The following ADORA2B variants were observed in gnomAD, a reference collection of about 807,000 sequenced individuals.
ADORA2B encodes the protein adenosine receptor A2b.
In ADORA2B, 18 loss-of-function variants were observed where a neutral mutation model predicts 20.8. The ratio of observed to expected loss-of-function variants is 0.87; its 90% CI spans 0.60 to 1.29. The LOEUF is 1.29. Ranked by LOEUF, ADORA2B falls within the 50% of genes most tolerant of loss-of-function variation. ADORA2B has a pLI of 0.00. For missense variants in ADORA2B, 441 were observed against 422.7 expected, an observed-to-expected ratio of 1.04 and a Z score of -0.38; for synonymous variants, 179 against 178.3, an observed-to-expected ratio of 1.00 and a Z score of -0.03.
the ADORA2B span, among the ~76,000 whole-genome samples, chr17:15,881,275 A>G: frequency 1.3e-5 from 2 of 151,646 alleles, no homozygotes; most frequent in South Asian, 4.2e-4. Context: ...CTAATTTTTC[A>G]TATTTTTAGT....
chr17:15,934,605 C>G, the ADORA2B span, among the ~76,000 whole-genome samples: 1 of 151,976 alleles, frequency 6.6e-6, no homozygotes, highest in African/African-American at 2.4e-5. Context: ...ATCTAGTGTA[C>G]CTTTTTAATT....
chr17:15,894,220 T>G, the ADORA2B span, among the ~76,000 whole-genome samples: 1 of 152,148 alleles, frequency 6.6e-6, no homozygotes, highest in Admixed American at 6.5e-5. Context: ...TGTCATGCCC[T>G]CCTGAACTAC....
the ADORA2B span, among the ~76,000 whole-genome samples, chr17:15,869,491 ATTATG>A: frequency 3.3e-5 from 5 of 152,180 alleles, no homozygotes; most frequent in African/African-American, 1.2e-4. Context: ...CAAAGGTTAT[ATTATG>A]ACCTATAATT....
chr17:15,930,886 G>A, the ADORA2B span, among the ~76,000 whole-genome samples: 1 of 152,230 alleles, frequency 6.6e-6, no homozygotes, highest in Admixed American at 6.5e-5. Flanking sequence ...CTGAGTGTTT[G>A]TTCAGCACAG....
At chr17:15,957,442 G>T (rs185027101) in intron 1 of ADORA2B, among the ~76,000 whole-genome samples, 1 of 152,326 alleles carries the variant, frequency 6.6e-6, no homozygotes, top group Non-Finnish European at 1.5e-5. Flanking sequence ...ATAGTCGTGT[G>T]CTTCTGGCTG....
chr17:15,861,170 G>C, the ADORA2B span, among the ~76,000 whole-genome samples: 3 of 152,160 alleles, frequency 2.0e-5, no homozygotes, highest in Non-Finnish European at 2.9e-5. Flanking sequence ...GGAGGATGCT[G>C]GACAGTAAGT....
chr17:15,901,332 G>A, the ADORA2B span, among the ~76,000 whole-genome samples: 3 of 152,054 alleles, frequency 2.0e-5, no homozygotes, highest in Admixed American at 2.0e-4. Context: ...GGGTGTGGTG[G>A]TGCATGCCTG....
chr17:15,928,765 G>A, the ADORA2B span, among the ~76,000 whole-genome samples: 1 of 151,888 alleles, frequency 6.6e-6, no homozygotes, highest in Admixed American at 6.6e-5. Flanking sequence ...AGGATTCATG[G>A]ACAACATTGT....
At chr17:15,971,417 C>T (rs1348551258) in intron 1 of ADORA2B, among the ~76,000 whole-genome samples, 1 of 152,140 alleles carries the variant, frequency 6.6e-6, no homozygotes, top group Non-Finnish European at 1.5e-5. Flanking sequence ...AGTATAGGGG[C>T]CCATGATTGA....
At chr17:15,965,024 C>T (rs572376678) in intron 1 of ADORA2B, among the ~76,000 whole-genome samples, 16 of 152,082 alleles carry the variant, frequency 1.1e-4, no homozygotes, top group Non-Finnish European at 1.3e-4. Context: ...CGTGCCACTG[C>T]GCTCCAGCCT....
chr17:15,904,238 C>G, the ADORA2B span, among the ~76,000 whole-genome samples: 1 of 152,072 alleles, frequency 6.6e-6, no homozygotes, highest in African/African-American at 2.4e-5. Flanking sequence ...CCTCGGTCTC[C>G]CAAAGTGTGG....
the ADORA2B span, among the ~76,000 whole-genome samples, chr17:15,876,895 C>T: frequency 6.6e-6 from 1 of 152,136 alleles, no homozygotes; most frequent in Non-Finnish European, 1.5e-5. Context: ...GAAACTGTTA[C>T]CCATTAAATA....
At chr17:15,910,492 T>C in the ADORA2B span, among the ~76,000 whole-genome samples, 1 of 152,010 alleles carries the variant, frequency 6.6e-6, no homozygotes, top group Non-Finnish European at 1.5e-5. Flanking sequence ...AGAAACGGGG[T>C]TTCACCATGT....
At chr17:15,937,671 C>T in the ADORA2B span, among the ~76,000 whole-genome samples, 2 of 151,914 alleles carry the variant, frequency 1.3e-5, no homozygotes, top group Non-Finnish European at 2.9e-5. Flanking sequence ...CTCCCAGGTT[C>T]AAGCGATTAT....
Position 15,974,912 on chromosome 17 carries a change from G to A in ADORA2B, c.569G>A (p.Cys190Tyr). 6.2e-7 allele frequency: 1 copy of A among 1,614,152 alleles called. No individual in the cohort carries two copies. Among genetic ancestry groups the A allele is most frequent in the South Asian group, 1.1e-5 (1 of 91,084 alleles). Reference protein sequence around the residue: ...SYMVYFNFFGCVLPPLLIMLV... With the variant: ...SYMVYFNFFGYVLPPLLIMLV... ...ATGGTATATTTCAATTTCTTTGGGT[G>A]TGTTCTGCCCCCACTGCTTATAATG... The change falls in exon 2 of 2, where the codon TGT becomes TAT. Residue 190 changes from cysteine to tyrosine, a missense_variant. Transcript: ENST00000304222.
intron 1 of ADORA2B, among the ~76,000 whole-genome samples, chr17:15,968,917 A>C (rs1970152646): frequency 6.6e-6 from 1 of 152,160 alleles, no homozygotes. Context: ...TCTGTCACCA[A>C]AACTTGGGGT....
chr17:15,958,793 G>A (rs1201160218), intron 1 of ADORA2B, among the ~76,000 whole-genome samples: 1 of 152,112 alleles, frequency 6.6e-6, no homozygotes, highest in Non-Finnish European at 1.5e-5. Flanking sequence ...GGCACACAGG[G>A]TTCTTTTGCA....
At chr17:15,871,756 G>A in the ADORA2B span, among the ~76,000 whole-genome samples, 1 of 152,132 alleles carries the variant, frequency 6.6e-6, no homozygotes, top group African/African-American at 2.4e-5. Context: ...AAACGTGCCC[G>A]TGACTGCTGG....
intron 1 of ADORA2B, chr17:15,974,350 A>AT (rs1970221579): frequency 4.1e-6 from 1 of 245,174 alleles, no homozygotes; most frequent in Admixed American, 4.9e-5. Flanking sequence ...TATGACATAT[A>AT]CTTCAAGTCA....
Sources: gnomAD v4.1 joint callset for allele counts (sites outside exome capture counted in the v4.1 genomes callset) on GRCh38, gnomAD v4.1.1 for gene constraint, MANE v1.5 for transcripts, NCBI Gene and HGNC (gene_info 2026-07-23, HGNC 2026-07-21) for gene names.